ADGRL2: variants seen among roughly 807,000 people sequenced by gnomAD.
ADGRL2 encodes the protein calcium-independent alpha-latrotoxin receptor 2.
ADGRL2 carries 44 observed loss-of-function variants against 157.4 expected under a neutral mutation model. The ratio of observed to expected loss-of-function variants is 0.28; its 90% CI spans 0.22 to 0.36. ADGRL2 has a LOEUF of 0.36. ADGRL2 is among the 10% of genes least tolerant of loss of function. The pLI is 1.00. For missense variants in ADGRL2, 1,510 were observed against 1,768.9 expected (o/e 0.85, Z 2.63); for synonymous variants, 585 against 624.7 (o/e 0.94, Z 0.95).
At position 81,942,969 on chromosome 1, in the gene ADGRL2, T is replaced by C; in HGVS notation, c.410T>C (p.Val137Ala). 1 of 1,602,164 alleles carries C rather than the reference T, an allele frequency of 6.2e-7. No individual in the cohort carries two copies. The highest frequency in any genetic ancestry group is 1.1e-5 in the South Asian group (1 of 90,496). The stretch of plus-strand genomic sequence containing the variant: ...TTTTGTCTTTCTCTGTAACTGTTAG[T>C]TTTTGTGTGTCCTGGGACCTTGAAA... ...YECVPYMEQK[V>A]FVCPGTLKAI... Residue 137 changes from valine to alanine, a missense_variant and splice_region_variant, in exon 6 of 24, where the codon GTT (valine) becomes GCT (alanine). By Grantham distance (64) the Val-to-Ala change is moderately conservative. Coordinates refer to ENST00000686636, the MANE Select transcript of ADGRL2 (RefSeq NM_001366006.2).
chr1:81,447,260 T>C (rs896610288), intron 2 of ADGRL2, among the ~76,000 whole-genome samples: 3 of 152,132 alleles, frequency 2.0e-5, no homozygotes, highest in African/African-American at 4.8e-5. Context: ...TCAGTAAACA[T>C]AGTAGATCTT....
chr1:81,503,233 G>A (rs1030086965), intron 2 of ADGRL2: 10 of 1,614,124 alleles, frequency 6.2e-6, no homozygotes, highest in South Asian at 2.2e-5. Context: ...CTCGGCTGCA[G>A]CACTGAACCT....
chr1:81,799,698 C>T (rs1394471991), upstream of ADGRL2, among the ~76,000 whole-genome samples: 1 of 152,042 alleles, frequency 6.6e-6, no homozygotes, highest in Non-Finnish European at 1.5e-5. Flanking sequence ...CCAAAAAGTA[C>T]CTATTGTTTC....
chr1:81,728,721 T>C (rs2084622540), intron 1 of ADGRL2, among the ~76,000 whole-genome samples: 1 of 152,190 alleles, frequency 6.6e-6, no homozygotes, highest in Non-Finnish European at 1.5e-5. Context: ...CTCTTGCTCT[T>C]GCCCCCACTC....
intron 1 of ADGRL2, among the ~76,000 whole-genome samples, chr1:81,364,323 A>T (rs2076027606): frequency 6.6e-6 from 1 of 152,054 alleles, no homozygotes; most frequent in South Asian, 2.1e-4. Context: ...ACAGTTCTTC[A>T]TAGGTATTTT....
chr1:81,887,437 C>T (rs1571919876), intron 2 of ADGRL2, among the ~76,000 whole-genome samples: 5 of 152,244 alleles, frequency 3.3e-5, no homozygotes, highest in Admixed American at 3.3e-4. Flanking sequence ...ACAATCATCA[C>T]TTATGAAAGA....
intron 1 of ADGRL2, among the ~76,000 whole-genome samples, chr1:81,407,433 T>C (rs778700172): frequency 1.5e-4 from 23 of 152,214 alleles, no homozygotes; most frequent in Admixed American, 1.2e-3. Flanking sequence ...GGCTCTGATG[T>C]ATGGTGTATA....
At chr1:81,392,763 T>G (rs1242591372) in intron 1 of ADGRL2, among the ~76,000 whole-genome samples, 2 of 152,084 alleles carry the variant, frequency 1.3e-5, no homozygotes, top group Non-Finnish European at 2.9e-5. Flanking sequence ...CTCTCTTTCT[T>G]ATGTAATGCA....
At chr1:81,395,037 T>G (rs1035332130) in intron 1 of ADGRL2, among the ~76,000 whole-genome samples, 6 of 152,222 alleles carry the variant, frequency 3.9e-5, no homozygotes, top group African/African-American at 1.4e-4. Flanking sequence ...TAGCTGGGAC[T>G]ACACGTGTGT....
chr1:81,355,437 A>G (rs1339328224), intron 1 of ADGRL2, among the ~76,000 whole-genome samples: 3 of 152,228 alleles, frequency 2.0e-5, no homozygotes, highest in African/African-American at 7.2e-5. Flanking sequence ...ACAGATACAT[A>G]TACAGATATA....
chr1:81,553,266 A>G (rs1570475810), intron 2 of ADGRL2, among the ~76,000 whole-genome samples: 1 of 152,364 alleles, frequency 6.6e-6, no homozygotes, highest in East Asian at 1.9e-4. Flanking sequence ...ATTAGATTAT[A>G]AGCTTTTAGC....
At chr1:81,921,500 A>G (rs913520378) in intron 3 of ADGRL2, among the ~76,000 whole-genome samples, 1 of 152,310 alleles carries the variant, frequency 6.6e-6, no homozygotes, top group Non-Finnish European at 1.5e-5. Context: ...CTCTGTTTAT[A>G]TCTGTGGCAT....
chr1:81,943,620 G>A lies in ADGRL2; in HGVS notation c.1061G>A (p.Arg354Gln), dbSNP rs139129579. Residue 354 changes from arginine to glutamine, a missense_variant, in exon 6 of 24, where the codon CGA becomes CAA. By Grantham distance (43) the Arg-to-Gln change is conservative. Transcript: ENST00000686636. The surrounding 1 kb of genome is among the most constrained non-coding windows in gnomAD (Gnocchi z 5.6). ...TACATTTATAATACCCGATTAAACC[G>A]AGGAGAATATGTAGATGTTCCCTTC... ...IDYIYNTRLNRGEYVDVPFPN... is the reference protein window; with the variant it reads ...IDYIYNTRLNQGEYVDVPFPN... 4.1e-5 allele frequency: 66 copies of A among 1,613,500 alleles called. 1 individual carries two copies. The highest frequency in any genetic ancestry group is 3.7e-4 in the South Asian group (34 of 91,078).
chr1:81,499,775 A>G (rs931407231), intron 2 of ADGRL2, among the ~76,000 whole-genome samples: 5 of 152,228 alleles, frequency 3.3e-5, no homozygotes, highest in African/African-American at 1.2e-4. Flanking sequence ...TATTTGGCTT[A>G]CCTGTTTTAG....
chr1:81,868,671 G>A (rs769985382), intron 2 of ADGRL2, among the ~76,000 whole-genome samples: 1 of 151,916 alleles, frequency 6.6e-6, no homozygotes. Context: ...GAAGCTACCT[G>A]CCCAATTAAA....
At chr1:81,655,434 G>A (rs2082512185) in intron 3 of ADGRL2, among the ~76,000 whole-genome samples, 1 of 152,128 alleles carries the variant, frequency 6.6e-6, no homozygotes, top group Non-Finnish European at 1.5e-5. Flanking sequence ...ACCCACATAT[G>A]TCAGACTCCA....
chr1:81,680,660 T>C (rs1425128847), intron 3 of ADGRL2, among the ~76,000 whole-genome samples: 2 of 152,050 alleles, frequency 1.3e-5, no homozygotes, highest in Non-Finnish European at 2.9e-5. Flanking sequence ...CTAACAGAAA[T>C]TGACTTTGCC....
intron 1 of ADGRL2, among the ~76,000 whole-genome samples, chr1:81,441,041 T>A (rs1480470453): frequency 3.3e-5 from 5 of 152,126 alleles, no homozygotes; most frequent in African/African-American, 1.2e-4. Context: ...CCTCTCTCAA[T>A]CCCTGTTTTG....
intron 1 of ADGRL2, among the ~76,000 whole-genome samples, chr1:81,317,979 A>G (rs1273764136): frequency 6.6e-6 from 1 of 152,190 alleles, no homozygotes; most frequent in Non-Finnish European, 1.5e-5. Context: ...ATGCATACAC[A>G]TAACCAAATA....
Sources: allele counts gnomAD v4.1 joint callset (sites outside exome capture counted in the v4.1 genomes callset), GRCh38; gene constraint gnomAD v4.1.1; non-coding constraint Gnocchi (gnomAD v3.1); transcripts MANE v1.5; gene names NCBI Gene and HGNC (gene_info 2026-07-23, HGNC 2026-07-21).